The following TIAM2 variants were observed in gnomAD, a reference collection of about 807,000 sequenced individuals.
TIAM2 encodes TIAM Rac1 associated GEF 2, also known as rho guanine nucleotide exchange factor TIAM2.
Under a neutral mutation model 152.9 loss-of-function variants are expected in TIAM2, and 80 were observed. The ratio of observed to expected loss-of-function variants is 0.52; its 90% confidence interval spans 0.44 to 0.63. The LOEUF (loss-of-function observed/expected upper bound fraction) is 0.63. TIAM2 is among the 30% of genes least tolerant of loss of function. The pLI is 0.00. For synonymous variants in TIAM2, 804 were observed against 838.0 expected, an observed-to-expected ratio of 0.96 and a Z score of 0.70; for missense variants, 1,965 against 2,120.1, an observed-to-expected ratio of 0.93 and a Z score of 1.44.
At chr6:155,164,700 C>G in intron 8 of TIAM2, 100 bp downstream of exon 8, 1 of 1,412,934 alleles carries the variant, frequency 7.1e-7, no homozygotes, top group Non-Finnish European at 9.6e-7. Context: ...GGGGCTTGAC[C>G]CAACAACTGA....
At chr6:155,023,707 G>A (rs747857423) in intron 1 of TIAM2, among the ~76,000 whole-genome samples, 3 of 152,224 alleles carry the variant, frequency 2.0e-5, no homozygotes, top group East Asian at 1.9e-4. Flanking sequence ...CCTTGCAGGC[G>A]GAGCCTCCAA....
chr6:155,222,632 CAAAA>C (rs1169569605), intron 15 of TIAM2, among the ~76,000 whole-genome samples: 2 of 26,560 alleles, frequency 7.5e-5, no homozygotes, highest in African/African-American at 1.3e-4. Context: ...AAAAAAAACA[CAAAA>C]AAAACCATGG....
At position 155,157,643 on chromosome 6, in the gene TIAM2, CTGAT is replaced by C. The variant is rs1169896634; in HGVS notation, c.2029-6769_2029-6766del. ...TTTCCGTATAAGTACCGTGCACTAACTGATTGCGCCACTGGAGCACCAAGAAGTG... is the reference window on the plus strand; with the variant it reads ...TTTCCGTATAAGTACCGTGCACTAACTGCGCCACTGGAGCACCAAGAAGTG... On this transcript the variant is annotated intron_variant, in intron 7 of 26. Transcript: ENST00000682666. 7.9e-5 allele frequency among the ~76,000 whole-genome samples: 12 copies of C among 152,228 alleles called. No individual in the cohort carries two copies. The East Asian group carries it at 2.1e-3, about 27-fold the overall frequency.
In TIAM2 at chr6:155,069,915, T is replaced by TC. The variant is rs376852409; in HGVS notation, c.-208-20374_-208-20373insC. Among the ~76,000 whole-genome samples, 112 of 148,926 alleles carry TC rather than the reference T, an allele frequency of 7.5e-4. 1 individual carries two copies. The highest frequency in any genetic ancestry group is 6.8e-3 in the Middle Eastern group (2 of 294). On this transcript the variant is annotated intron_variant, in intron 1 of 26. Coordinates refer to ENST00000682666, the MANE Select transcript of TIAM2 (RefSeq NM_012454.4). The stretch of plus-strand genomic sequence containing the variant: ...ATCTGGACAGACATTTCTTTTCTTT[T>TC]TTTTTTTTTTTTTTTGAGACAAGGT...
At chr6:155,168,268 G>A (rs1366250988) in intron 9 of TIAM2, among the ~76,000 whole-genome samples, 2 of 152,128 alleles carry the variant, frequency 1.3e-5, no homozygotes, top group African/African-American at 2.4e-5. Context: ...ATTAAAAAAA[G>A]TAGGTATGAG....
intron 1 of TIAM2, among the ~76,000 whole-genome samples, chr6:155,001,839 G>A (rs1440413360): frequency 2.0e-5 from 3 of 152,192 alleles, no homozygotes; most frequent in Non-Finnish European, 1.5e-5. Context: ...TGTAAAACTC[G>A]AATTTTGAAG....
chr6:155,152,073 C>T (rs918010825), intron 7 of TIAM2, among the ~76,000 whole-genome samples: 4 of 152,042 alleles, frequency 2.6e-5, no homozygotes, highest in Admixed American at 6.6e-5. Context: ...CGAACTCTGA[C>T]CTTAGGTGAT....
At chr6:155,172,311 A>G (rs73795340) in intron 9 of TIAM2, among the ~76,000 whole-genome samples, 15,517 of 152,048 alleles carry the variant, frequency 0.1, 880 homozygotes, top group Middle Eastern at 0.16. Context: ...GGAACAAAGG[A>G]TGATTCTCAG....
At chr6:155,007,519 T>C (rs1778422076) in intron 1 of TIAM2, among the ~76,000 whole-genome samples, 1 of 152,014 alleles carries the variant, frequency 6.6e-6, no homozygotes, top group Non-Finnish European at 1.5e-5. Context: ...GGAAAACATC[T>C]GGTTTCTAAA....
chr6:155,175,161 G>A (rs369549036), intron 9 of TIAM2, among the ~76,000 whole-genome samples: 24 of 152,314 alleles, frequency 1.6e-4, no homozygotes, highest in African/African-American at 5.8e-4. Flanking sequence ...GTGGGGATGT[G>A]CATTCTGGCT....
rs1366617695 is a variant in TIAM2, at chr6:155,129,818, A to G, written c.595A>G (p.Arg199Gly). ...CTGCAGTGAGCCGGTGCAGCTGCTGAGGTACTCACCTACCTTAGCATCGGA... is the reference window on the plus strand; with the variant it reads ...CTGCAGTGAGCCGGTGCAGCTGCTGGGGTACTCACCTACCTTAGCATCGGA... Reference protein sequence around the residue: ...EDCSEPVQLLRYSPTLASETS... With the variant: ...EDCSEPVQLLGYSPTLASETS... Residue 199 changes from arginine to glycine, a missense_variant, in exon 4 of 27, where the codon AGG becomes GGG. By Grantham distance (125) the Arg-to-Gly change is moderately radical. Around this residue, in one of 3 missense-constraint regions of TIAM2, gnomAD observed 1,025 missense variants for 1,119.4 expected, o/e 0.92. Coordinates refer to ENST00000682666, the MANE Select transcript of TIAM2 (RefSeq NM_012454.4). This position sits in a 1 kb window ranked among gnomAD's most constrained non-coding sequence, Gnocchi z 4.8. 1 of 1,613,528 alleles carries G rather than the reference A, an allele frequency of 6.2e-7. No individual in the cohort carries two copies. Among genetic ancestry groups the G allele is most frequent in the Admixed American group, 1.7e-5 (1 of 60,008 alleles).
In TIAM2 at chr6:155,165,328, C is replaced by CAA; in HGVS notation, c.2281_2282dup (p.Lys762ArgfsTer8). On this transcript the variant is annotated frameshift_variant, in exon 9 of 27. Coordinates refer to ENST00000682666, the MANE Select transcript of TIAM2 (RefSeq NM_012454.4). LOFTEE classifies it high-confidence loss of function. Reference sequence around the variant, plus strand: ...TGTCACTGACCCAGCGAGGGAGAAACAAGAAGGGAATATTTTCTTCGTTAA... The same window carrying CAA: ...TGTCACTGACCCAGCGAGGGAGAAACAAAAGAAGGGAATATTTTCTTCGTTAA... 1 of 1,614,010 alleles carries CAA rather than the reference C, an allele frequency of 6.2e-7. No homozygotes were observed.
chr6:155,036,234 T>C (rs1217140330), intron 1 of TIAM2, among the ~76,000 whole-genome samples: 3 of 152,136 alleles, frequency 2.0e-5, no homozygotes, highest in Non-Finnish European at 4.4e-5. Flanking sequence ...GGTTTCTTTC[T>C]TTAAAAAGTG....
In TIAM2 at chr6:155,137,187, C is replaced by T; in HGVS notation, c.1205C>T (p.Ser402Phe). Reference protein sequence around the residue: ...RKKRKLQEPRSKEGSDYFDSR... With the variant: ...RKKRKLQEPRFKEGSDYFDSR... ...GTGTGTTTCTCACAGGAGCCGAGGTCCAAGGAGGGCAGTGACTACTTTGAC... is the reference window on the plus strand; with the variant it reads ...GTGTGTTTCTCACAGGAGCCGAGGTTCAAGGAGGGCAGTGACTACTTTGAC... Residue 402 changes from serine (S) to phenylalanine (F), a missense_variant, in exon 5 of 27, where the codon TCC becomes TTC. Physicochemically the swap from Ser to Phe is radical, Grantham distance 155 (BLOSUM62 -2). Around this residue, in one of 3 missense-constraint regions of TIAM2, gnomAD observed 1,025 missense variants for 1,119.4 expected, o/e 0.92. Coordinates refer to ENST00000682666, the MANE Select transcript of TIAM2 (RefSeq NM_012454.4). 4 of 1,612,466 alleles carry T rather than the reference C, an allele frequency of 2.5e-6. No homozygotes were observed. The highest frequency in any genetic ancestry group is 2.5e-6 in the Non-Finnish European group (3 of 1,178,648).
intron 1 of TIAM2, among the ~76,000 whole-genome samples, chr6:155,064,742 C>T (rs1017406739): frequency 4.6e-5 from 7 of 152,084 alleles, no homozygotes; most frequent in African/African-American, 1.7e-4. Context: ...ACAAGGCATC[C>T]TTCTTTCAGG....
At chr6:155,243,128 C>T (rs956359584) in intron 16 of TIAM2, among the ~76,000 whole-genome samples, 2 of 152,172 alleles carry the variant, frequency 1.3e-5, no homozygotes, top group Non-Finnish European at 2.9e-5. Flanking sequence ...GCTGGAACCT[C>T]GTTTGCAAGA....
At chr6:154,999,244 G>T (rs1324948169) in intron 1 of TIAM2, among the ~76,000 whole-genome samples, 1 of 151,258 alleles carries the variant, frequency 6.6e-6, no homozygotes, top group South Asian at 2.1e-4. Context: ...ACAGAGTCTC[G>T]CTCTGTCACC....
chr6:155,135,855 T>G (rs1361933095), intron 4 of TIAM2, among the ~76,000 whole-genome samples: 1 of 152,136 alleles, frequency 6.6e-6, no homozygotes, highest in Non-Finnish European at 1.5e-5. Context: ...AATAAATGGG[T>G]ATATTTTTTT....
chr6:155,219,897 T>C (rs1272795283), intron 15 of TIAM2, among the ~76,000 whole-genome samples: 2 of 151,756 alleles, frequency 1.3e-5, no homozygotes, highest in Non-Finnish European at 2.9e-5. Context: ...AAGAGTGGTA[T>C]TGAGAATCCA....
Sources: allele counts gnomAD v4.1 joint callset (sites outside exome capture counted in the v4.1 genomes callset), GRCh38; gene constraint gnomAD v4.1.1; regional missense constraint gnomAD v4.1.1; non-coding constraint Gnocchi (gnomAD v3.1); transcripts MANE v1.5; gene names NCBI Gene and HGNC (gene_info 2026-07-23, HGNC 2026-07-21).